Variants in SEMA6D observed in about 807,000 individuals in gnomAD.
SEMA6D encodes semaphorin 6D, also known as semaphorin-6D.
A neutral mutation model predicts 106.6 loss-of-function variants in SEMA6D; 35 were observed. That is an observed-to-expected ratio of 0.33 (90% CI 0.25 to 0.44). The LOEUF (loss-of-function observed/expected upper bound fraction) is 0.44. Ranked by LOEUF, SEMA6D falls within the 20% of genes least tolerant of loss-of-function variation. The probability of loss-of-function intolerance (pLI) is 1.00; values close to 1 mark genes in which losing one functional copy is unlikely to be tolerated. For missense variants in SEMA6D, 1,185 were observed against 1,345.9 expected, an observed-to-expected ratio of 0.88 and a Z score of 1.87; for synonymous variants, 499 against 487.7, an observed-to-expected ratio of 1.02 and a Z score of -0.31.
intron 1 of SEMA6D, among the ~76,000 whole-genome samples, chr15:47,279,702 T>G (rs2035016038): frequency 6.6e-6 from 1 of 152,200 alleles, no homozygotes; most frequent in Admixed American, 6.5e-5. Flanking sequence ...AGACGTCCCA[T>G]CAATACCTAA....
chr15:47,246,651 T>G (rs1161910899), intron 1 of SEMA6D, among the ~76,000 whole-genome samples: 1 of 152,222 alleles, frequency 6.6e-6, no homozygotes, highest in Admixed American at 6.5e-5. Flanking sequence ...ATTGCGTCTC[T>G]TTCTCTGACC....
intron 4 of SEMA6D, among the ~76,000 whole-genome samples, chr15:47,661,952 C>T (rs2077928702): frequency 6.6e-6 from 1 of 152,174 alleles, no homozygotes. Context: ...TTCTGGCATT[C>T]CTAACAGCAG....
At chr15:47,265,636 T>C (rs1406653556) in intron 1 of SEMA6D, among the ~76,000 whole-genome samples, 1 of 152,052 alleles carries the variant, frequency 6.6e-6, no homozygotes, top group Non-Finnish European at 1.5e-5. Context: ...TAGTATTTTT[T>C]TCTTTTCAAT....
chr15:47,707,035 G>A (rs2078925481), intron 4 of SEMA6D, among the ~76,000 whole-genome samples: 1 of 152,152 alleles, frequency 6.6e-6, no homozygotes, highest in Non-Finnish European at 1.5e-5. Context: ...TTTTTGTAAA[G>A]AGAATTGGAA....
chr15:47,435,574 C>A (rs1283780142), intron 2 of SEMA6D, among the ~76,000 whole-genome samples: 1 of 152,020 alleles, frequency 6.6e-6, no homozygotes, highest in Non-Finnish European at 1.5e-5. Context: ...TGTGCTGGCC[C>A]CTTGAAATGC....
At chr15:47,225,569 C>T (rs1236281564) in intron 1 of SEMA6D, among the ~76,000 whole-genome samples, 2 of 135,126 alleles carry the variant, frequency 1.5e-5, no homozygotes, top group African/African-American at 5.7e-5. Flanking sequence ...CTCTGGTTGC[C>T]CAGGCTAGAG....
At chr15:47,498,877 A>G (rs2043755889) in intron 3 of SEMA6D, among the ~76,000 whole-genome samples, 1 of 152,164 alleles carries the variant, frequency 6.6e-6, no homozygotes, top group African/African-American at 2.4e-5. Flanking sequence ...TAGATATTCC[A>G]GGTAGATTTC....
intron 1 of SEMA6D, among the ~76,000 whole-genome samples, chr15:47,265,958 A>G (rs932942837): frequency 1.3e-5 from 2 of 152,102 alleles, no homozygotes; most frequent in African/African-American, 4.8e-5. Flanking sequence ...AAACACGCTT[A>G]GTCTTGAAGC....
At chr15:47,635,637 G>C (rs1374076019) in intron 4 of SEMA6D, among the ~76,000 whole-genome samples, 1 of 152,170 alleles carries the variant, frequency 6.6e-6, no homozygotes, top group Non-Finnish European at 1.5e-5. Flanking sequence ...ACTTTAACCT[G>C]TGTTGTCTGC....
At chr15:47,584,855 C>T (rs753985837) in intron 3 of SEMA6D, among the ~76,000 whole-genome samples, 2 of 152,146 alleles carry the variant, frequency 1.3e-5, no homozygotes, top group African/African-American at 2.4e-5. Context: ...GACCATGCTT[C>T]TCTTAAGCAA....
intron 1 of SEMA6D, among the ~76,000 whole-genome samples, chr15:47,302,955 A>G (rs970285844): frequency 6.6e-6 from 1 of 152,182 alleles, no homozygotes; most frequent in Non-Finnish European, 1.5e-5. Context: ...CTAACCAAGA[A>G]TAGGCAGTGT....
chr15:47,231,522 A>C (rs759801178), intron 1 of SEMA6D, among the ~76,000 whole-genome samples: 4 of 152,034 alleles, frequency 2.6e-5, no homozygotes, highest in Non-Finnish European at 5.9e-5. Flanking sequence ...CACTCTTTCC[A>C]GGCAGGGATG....
At chr15:47,275,349 G>A (rs1039365445) in intron 1 of SEMA6D, among the ~76,000 whole-genome samples, 1 of 152,066 alleles carries the variant, frequency 6.6e-6, no homozygotes, top group Non-Finnish European at 1.5e-5. Flanking sequence ...TTATCTTACT[G>A]CACTCACTTT....
chr15:47,187,850 A>C (rs1893684039), intron 1 of SEMA6D, among the ~76,000 whole-genome samples: 1 of 152,150 alleles, frequency 6.6e-6, no homozygotes, highest in South Asian at 2.1e-4. Context: ...AACTTTTATT[A>C]AACCTGGAGT....
chr15:47,588,514 T>C (rs187776224), intron 3 of SEMA6D, among the ~76,000 whole-genome samples: 55 of 152,188 alleles, frequency 3.6e-4, no homozygotes, highest in Admixed American at 3.4e-3. Context: ...AGTCATTACT[T>C]GGAGAAAAGT....
intron 4 of SEMA6D, among the ~76,000 whole-genome samples, chr15:47,677,746 T>C (rs557477495): frequency 3.1e-4 from 47 of 152,300 alleles, no homozygotes; most frequent in African/African-American, 1.1e-3. Flanking sequence ...GTTTGGCTCA[T>C]TGTGAACACC....
At chr15:47,486,070 C>T (rs7163346) in intron 3 of SEMA6D, among the ~76,000 whole-genome samples, 1 of 151,960 alleles carries the variant, frequency 6.6e-6, no homozygotes, top group Non-Finnish European at 1.5e-5. Context: ...AGTCTGCTAA[C>T]GTCCATAGTC....
chr15:47,621,381 AT>A (rs912478498), intron 4 of SEMA6D, among the ~76,000 whole-genome samples: 30 of 149,016 alleles, frequency 2.0e-4, no homozygotes, highest in Middle Eastern at 3.4e-3. Context: ...CCCAGGACAG[AT>A]TTTTTTTTTT....
At chr15:47,452,866 A>C (rs1451681059) in intron 2 of SEMA6D, among the ~76,000 whole-genome samples, 1 of 151,976 alleles carries the variant, frequency 6.6e-6, no homozygotes, top group Admixed American at 6.6e-5. Context: ...TATCATGTCA[A>C]ATAATAGTAT....
Sources: allele counts gnomAD v4.1 joint callset (sites outside exome capture counted in the v4.1 genomes callset), GRCh38; gene constraint gnomAD v4.1.1; transcripts MANE v1.5; gene names NCBI Gene and HGNC (gene_info 2026-07-23, HGNC 2026-07-21).